Variants in CACNA2D3 observed in about 807,000 individuals in gnomAD.
CACNA2D3 encodes calcium voltage-gated channel auxiliary subunit alpha2delta 3, also known as voltage-dependent calcium channel subunit alpha-2/delta-3.
In CACNA2D3, 60 loss-of-function variants were observed where a neutral mutation model predicts 160.6. That is an observed-to-expected ratio of 0.37 (90% confidence interval 0.30 to 0.46). CACNA2D3 has a LOEUF of 0.46. Among genes scored for constraint, CACNA2D3 ranks in the 20% least tolerant of loss-of-function variants. The probability of loss-of-function intolerance (pLI) is 1.00; values close to 1 mark genes in which losing one functional copy is unlikely to be tolerated. For synonymous variants in CACNA2D3, 558 were observed against 492.9 expected, an observed-to-expected ratio of 1.13 and a Z score of -1.75; for missense variants, 1,205 against 1,365.0, an observed-to-expected ratio of 0.88 and a Z score of 1.85.
At chr3:55,001,431 C>A (rs1281140519) in intron 31 of CACNA2D3, among the ~76,000 whole-genome samples, 1 of 152,214 alleles carries the variant, frequency 6.6e-6, no homozygotes. Context: ...TGGAATACTT[C>A]CTCTCTAGCA....
intron 5 of CACNA2D3, among the ~76,000 whole-genome samples, chr3:54,510,120 T>A (rs1701436610): frequency 6.6e-6 from 1 of 151,838 alleles, no homozygotes; most frequent in Admixed American, 6.6e-5. Context: ...GATGGACACA[T>A]GCATAGGTAG....
intron 3 of CACNA2D3, among the ~76,000 whole-genome samples, chr3:54,342,487 A>C (rs1381395443): frequency 6.6e-6 from 1 of 152,032 alleles, no homozygotes; most frequent in African/African-American, 2.4e-5. Flanking sequence ...TAATGTTGGG[A>C]AGGATACGGT....
At chr3:54,590,481 G>C (rs891717313) in intron 9 of CACNA2D3, among the ~76,000 whole-genome samples, 2 of 152,092 alleles carry the variant, frequency 1.3e-5, no homozygotes, top group Non-Finnish European at 2.9e-5. Context: ...GGCTCCTTGT[G>C]GTGGTGGAAC....
intron 4 of CACNA2D3, among the ~76,000 whole-genome samples, chr3:54,480,138 G>C (rs1454991034): frequency 6.6e-6 from 1 of 152,048 alleles, no homozygotes; most frequent in Non-Finnish European, 1.5e-5. Flanking sequence ...GAGCCCAGGA[G>C]TTTGAGACCA....
At position 54,985,039 on chromosome 3, in the gene CACNA2D3, C is replaced by T. The variant is rs571302617; in HGVS notation, c.2619+369C>T. 5.9e-5 allele frequency among the ~76,000 whole-genome samples: 9 copies of T among 152,196 alleles called. No homozygotes were observed. In the East Asian group the frequency reaches 7.7e-4, roughly 13 times the overall value. On this transcript the variant is annotated intron_variant, in intron 30 of 37. Coordinates refer to ENST00000474759, the MANE Select transcript of CACNA2D3 (RefSeq NM_018398.3). ...GGCAACTTTAAGGTTTTTTTCCTTC[C>T]GATATTTCATCTTCATATGTGTGCA... is the stretch of plus-strand genomic sequence containing the variant.
At chr3:54,927,996 C>T (rs1701076168) in intron 27 of CACNA2D3, 2 of 1,248,740 alleles carry the variant, frequency 1.6e-6, no homozygotes, top group Admixed American at 1.7e-5. Flanking sequence ...ATGGCAGACT[C>T]AGAGCCCAGC....
chr3:55,018,742 C>G (rs1703382241), intron 35 of CACNA2D3, among the ~76,000 whole-genome samples: 1 of 151,954 alleles, frequency 6.6e-6, no homozygotes, highest in Non-Finnish European at 1.5e-5. Flanking sequence ...TCCCTGACTG[C>G]TAATGAGGTT....
chr3:54,865,376 T>C (rs945640380), intron 17 of CACNA2D3, among the ~76,000 whole-genome samples: 1 of 152,208 alleles, frequency 6.6e-6, no homozygotes, highest in Admixed American at 6.5e-5. Context: ...GTACTTAGAT[T>C]GTGACTCTCT....
At chr3:54,273,340 C>T (rs911351514) in intron 2 of CACNA2D3, among the ~76,000 whole-genome samples, 1 of 151,928 alleles carries the variant, frequency 6.6e-6, no homozygotes, top group East Asian at 1.9e-4. Context: ...ATTTTTTTCT[C>T]CCTCTCCTTC....
At chr3:54,193,638 T>G (rs1413525225) in intron 2 of CACNA2D3, among the ~76,000 whole-genome samples, 1 of 152,198 alleles carries the variant, frequency 6.6e-6, no homozygotes, top group Admixed American at 6.5e-5. Context: ...CTATCTAACC[T>G]GGGCAGCCTA....
At chr3:54,752,414 AT>A (rs1701875419) in intron 11 of CACNA2D3, among the ~76,000 whole-genome samples, 184 bp from the exon 12 acceptor site, 1 of 152,200 alleles carries the variant, frequency 6.6e-6, no homozygotes, top group Admixed American at 6.5e-5. Flanking sequence ...GGTTTAAAAG[AT>A]CAAAGGCCCC....
chr3:54,937,948 G>T (rs1215553919), intron 27 of CACNA2D3, among the ~76,000 whole-genome samples: 1 of 152,114 alleles, frequency 6.6e-6, no homozygotes, highest in Non-Finnish European at 1.5e-5. Flanking sequence ...AAAACCATTG[G>T]TTTTCACCAT....
intron 4 of CACNA2D3, among the ~76,000 whole-genome samples, chr3:54,446,029 C>T (rs1472140216): frequency 6.6e-6 from 1 of 152,114 alleles, no homozygotes; most frequent in African/African-American, 2.4e-5. Flanking sequence ...ATAGCTTTGG[C>T]AATGAGGAAT....
chr3:54,790,070 C>T (rs1702720446), intron 13 of CACNA2D3, among the ~76,000 whole-genome samples: 1 of 152,212 alleles, frequency 6.6e-6, no homozygotes, highest in Non-Finnish European at 1.5e-5. Context: ...TCCTGGATTA[C>T]ACTTTCCTGG....
At chr3:54,642,061 C>CT in intron 10 of CACNA2D3, 67 bp from the exon 11 acceptor site, 1 of 1,019,172 alleles carries the variant, frequency 9.8e-7, no homozygotes, top group Non-Finnish European at 1.4e-6. Flanking sequence ...TCTCATGTCT[C>CT]TGATTTTTCA....
chr3:54,913,052 A>G (rs533257384), intron 27 of CACNA2D3, among the ~76,000 whole-genome samples: 1 of 152,092 alleles, frequency 6.6e-6, no homozygotes, highest in East Asian at 1.9e-4. Context: ...CACCCCACTC[A>G]TCTGTTTCAA....
Position 54,861,128 on chromosome 3 carries a change from C to G in CACNA2D3, c.1627-10411C>G, listed in dbSNP as rs72876003. 1.2e-3 allele frequency among the ~76,000 whole-genome samples: 175 copies of G among 152,134 alleles called. 1 individual carries two copies. Among genetic ancestry groups the G allele is most frequent in the African/African-American group, 4.1e-3 (172 of 41,498 alleles). Reference sequence around the variant, plus strand: ...CTTAGGACCTAGTAGGGGAAACAGGCAAGTAAGCTAATAATTTGCAGTACA... The same window carrying G: ...CTTAGGACCTAGTAGGGGAAACAGGGAAGTAAGCTAATAATTTGCAGTACA... On this transcript the variant is annotated intron_variant, in intron 17 of 37. Coordinates refer to ENST00000474759, the MANE Select transcript of CACNA2D3 (RefSeq NM_018398.3).
At chr3:54,789,917 C>G (rs1702716770) in intron 13 of CACNA2D3, 1 of 505,750 alleles carries the variant, frequency 2.0e-6, no homozygotes, top group Admixed American at 2.0e-5. Flanking sequence ...GCCCATTCCT[C>G]TGTTTTGAGA....
intron 2 of CACNA2D3, among the ~76,000 whole-genome samples, chr3:54,166,967 G>A (rs1324054466): frequency 6.6e-6 from 1 of 152,158 alleles, no homozygotes; most frequent in Non-Finnish European, 1.5e-5. Flanking sequence ...ATATTACCTG[G>A]ATTACAGTTT....
Sources: gnomAD v4.1 joint callset for allele counts (sites outside exome capture counted in the v4.1 genomes callset) on GRCh38, gnomAD v4.1.1 for gene constraint, MANE v1.5 for transcripts, NCBI Gene and HGNC (gene_info 2026-07-23, HGNC 2026-07-21) for gene names.